TSNARE1: variants seen among roughly 807,000 people sequenced by gnomAD.
TSNARE1 encodes the protein t-SNARE domain-containing protein 1.
Under a neutral mutation model 62.0 loss-of-function variants are expected in TSNARE1, and 49 were observed. The observed-to-expected ratio is 0.79, with a 90% CI of 0.63 to 1.00. TSNARE1 has a LOEUF of 1.00. TSNARE1 is among the 50% of genes least tolerant of loss of function. The probability of loss-of-function intolerance (pLI) is 0.00; values close to 1 mark genes in which losing one functional copy is unlikely to be tolerated. For missense variants in TSNARE1, 755 were observed against 700.1 expected (o/e 1.08, Z -0.88); for synonymous variants, 328 against 294.4 (o/e 1.11, Z -1.17).
rs1030820291 is a variant in TSNARE1, at chr8:142,403,151, AGGCGGGCGG to A, written c.-96_-88del. 9.6e-4 allele frequency: 142 copies of A among 148,146 alleles called. 1 individual carries two copies. Among genetic ancestry groups the A allele is most frequent in the African/African-American group, 3.3e-3 (136 of 40,936 alleles). The allele number at this position is 148,146 out of a possible 1,614,324, so 9.2% of individuals were successfully genotyped here. On this transcript the variant is annotated 5_prime_UTR_variant, in exon 1 of 14. Transcript: ENST00000524325. ...CCGCTCCGGGCGCTCACGGCGGGCGAGGCGGGCGGGGCGGGCACCCAAACATCACGTGAC... is the reference window on the plus strand; with the variant it reads ...CCGCTCCGGGCGCTCACGGCGGGCGAGGCGGGCACCCAAACATCACGTGAC...
chr8:142,228,625 G>A (rs972106920), intron 13 of TSNARE1, among the ~76,000 whole-genome samples: 1 of 152,240 alleles, frequency 6.6e-6, no homozygotes, highest in African/African-American at 2.4e-5. Context: ...GGAAAAGAGA[G>A]GCTTCAGGGT....
At chr8:142,369,027 C>G (rs1202002928) in intron 1 of TSNARE1, among the ~76,000 whole-genome samples, 1 of 152,300 alleles carries the variant, frequency 6.6e-6, no homozygotes. Flanking sequence ...GTGAAACCCC[C>G]GCTCCCCAGA....
intron 12 of TSNARE1, chr8:142,271,109 A>T: frequency 2.0e-6 from 2 of 985,850 alleles, no homozygotes; most frequent in Non-Finnish European, 2.4e-6. Flanking sequence ...CTCCACCTTC[A>T]AGATCATCCC....
intron 12 of TSNARE1, chr8:142,272,799 C>T (rs1342558393): frequency 1.0e-6 from 1 of 982,476 alleles, no homozygotes; most frequent in East Asian, 1.1e-4. Flanking sequence ...TCCCTCCTGA[C>T]ACACCGTGGG....
chr8:142,268,115 G>A (rs528422666), intron 12 of TSNARE1, among the ~76,000 whole-genome samples: 1 of 152,338 alleles, frequency 6.6e-6, no homozygotes, highest in East Asian at 1.9e-4. Context: ...CTTGCCCTCA[G>A]GGCCAGGCAT....
At chr8:142,381,663 G>A (rs72689007) in intron 1 of TSNARE1, among the ~76,000 whole-genome samples, 3,777 of 152,274 alleles carry the variant, frequency 0.025, 65 homozygotes, top group Middle Eastern at 0.085. Flanking sequence ...ACACCTAAAC[G>A]AGGAGGAGCC....
intron 1 of TSNARE1, among the ~76,000 whole-genome samples, chr8:142,361,887 C>T (rs780980863): frequency 9.2e-5 from 14 of 152,218 alleles, no homozygotes; most frequent in African/African-American, 2.2e-4. Context: ...CCCTCAGCCG[C>T]GCCCCACCAC....
chr8:142,328,164 TA>T (rs35142304), intron 6 of TSNARE1, among the ~76,000 whole-genome samples: 15 of 149,434 alleles, frequency 1.0e-4, no homozygotes, highest in East Asian at 2.0e-4. Context: ...AATAGTTTTT[TA>T]AAAAAAAAAA....
At chr8:142,310,489 G>T (rs1452033267) in intron 9 of TSNARE1, among the ~76,000 whole-genome samples, 1 of 152,198 alleles carries the variant, frequency 6.6e-6, no homozygotes, top group Non-Finnish European at 1.5e-5. Context: ...TTCCCTCTGA[G>T]ATCACTCCTT....
chr8:142,330,084 G>A (rs1015109487), intron 6 of TSNARE1, among the ~76,000 whole-genome samples: 4 of 152,256 alleles, frequency 2.6e-5, no homozygotes, highest in Non-Finnish European at 4.4e-5. Context: ...CGAGGACAAC[G>A]TCCCAGTGCA....
intron 1 of TSNARE1, among the ~76,000 whole-genome samples, chr8:142,386,013 G>A (rs1191507195): frequency 6.6e-6 from 1 of 151,998 alleles, no homozygotes; most frequent in Non-Finnish European, 1.5e-5. Flanking sequence ...TGCATCTAGG[G>A]GCCAGCAAAT....
In TSNARE1 at chr8:142,390,603, T is replaced by A. The variant is rs78099720; in HGVS notation, c.-40+12501A>T. On this transcript the variant is annotated intron_variant, in intron 1 of 13. Coordinates refer to ENST00000524325, the MANE Select transcript of TSNARE1 (RefSeq NM_145003.5). ...CTCTATAGCAGACGCTGTACACTGC[T>A]GGGGACTCCATAGCAGACGCTGTAC... Among the ~76,000 whole-genome samples, 8 of 53,738 alleles carry A rather than the reference T, an allele frequency of 1.5e-4. 1 individual carries two copies. The East Asian group carries it at 2.1e-3, about 14-fold the overall frequency. The allele number at this position is 53,738 out of a possible 152,430, so 35.3% of individuals were successfully genotyped here.
intron 10 of TSNARE1, among the ~76,000 whole-genome samples, chr8:142,299,014 C>A (rs1825235915): frequency 1.3e-5 from 2 of 152,234 alleles, no homozygotes; most frequent in African/African-American, 4.8e-5. Context: ...CAGAGAGAAG[C>A]CCCCGAAGCA....
intron 1 of TSNARE1, among the ~76,000 whole-genome samples, chr8:142,355,950 T>G (rs1270780069): frequency 6.6e-6 from 1 of 152,104 alleles, no homozygotes; most frequent in Non-Finnish European, 1.5e-5. Flanking sequence ...CTCAGAACAA[T>G]CGGGACCCAA....
At chr8:142,246,152 C>T (rs1449681748) in intron 12 of TSNARE1, among the ~76,000 whole-genome samples, 3 of 152,202 alleles carry the variant, frequency 2.0e-5, no homozygotes, top group African/African-American at 7.2e-5. Flanking sequence ...AGGGTGTCCA[C>T]TTGCCAAGGG....
chr8:142,316,357 C>T (rs996880035), intron 7 of TSNARE1, among the ~76,000 whole-genome samples: 1 of 151,726 alleles, frequency 6.6e-6, no homozygotes, highest in Non-Finnish European at 1.5e-5. Flanking sequence ...GGCTCCAGGC[C>T]GCTCAGCACA....
At position 142,229,415 on chromosome 8, in the gene TSNARE1, T is replaced by A. The variant is rs1400981371; in HGVS notation, c.*11+58A>T. The A allele has an allele frequency of 3.7e-6, 5 of 1,354,892 alleles. No homozygotes were observed. In the African/African-American group the frequency reaches 7.2e-5, roughly 19 times the overall value. 83.9% of individuals were successfully genotyped at this position (1,354,892 alleles called of 1,614,324 possible). On this transcript the variant is annotated intron_variant, in intron 13 of 13. Coordinates refer to ENST00000524325, the MANE Select transcript of TSNARE1 (RefSeq NM_145003.5). ...GTTAGATGGATGGTGGATAGGTGAA[T>A]GAATGGATGGTGGATGTGCAGATGA...
At chr8:142,227,056 C>A (rs868202743) in intron 13 of TSNARE1, among the ~76,000 whole-genome samples, 2,833 of 132,646 alleles carry the variant, frequency 0.021, 40 homozygotes, top group Admixed American at 0.038. Flanking sequence ...ACAGCCAGGC[C>A]CCCCACTGCA....
chr8:142,255,773 CCACCAT>C (rs1818449605), intron 12 of TSNARE1, among the ~76,000 whole-genome samples: 1 of 84,454 alleles, frequency 1.2e-5, no homozygotes, highest in Non-Finnish European at 2.9e-5. Context: ...ACCATCACCA[CCACCAT>C]CACCACCATC....
Sources: allele counts gnomAD v4.1 joint callset (sites outside exome capture counted in the v4.1 genomes callset), GRCh38; gene constraint gnomAD v4.1.1; transcripts MANE v1.5; gene names NCBI Gene and HGNC (gene_info 2026-07-23, HGNC 2026-07-21).